Variants in ADGRG4 observed in about 807,000 individuals in gnomAD.
ADGRG4 encodes G protein-coupled receptor 112.
Under a neutral mutation model 126.2 loss-of-function variants are expected in ADGRG4, and 122 were observed. That is an observed-to-expected ratio of 0.97 (90% CI 0.83 to 1.12). The LOEUF (loss-of-function observed/expected upper bound fraction) is 1.12. ADGRG4 is among the 50% of genes most tolerant of loss of function. ADGRG4 has a pLI of 0.00. For missense variants in ADGRG4, 2,481 were observed against 2,251.8 expected, an observed-to-expected ratio of 1.10 and a Z score of -2.06; for synonymous variants, 943 against 838.7, an observed-to-expected ratio of 1.12 and a Z score of -2.15.
intron 5 of ADGRG4, among the ~76,000 whole-genome samples, chrX:136,324,023 T>C (rs958419578): frequency 5.4e-5 from 6 of 112,009 alleles, no homozygotes; most frequent in African/African-American, 1.9e-4. Context: ...AGATTCAGGC[T>C]ATGAATTTTT....
chrX:136,327,214 T>A (rs886676108), intron 5 of ADGRG4, among the ~76,000 whole-genome samples: 16 of 111,031 alleles, frequency 1.4e-4, no homozygotes, highest in African/African-American at 4.2e-4. Context: ...AGGTGTCTGT[T>A]AAAAAATTTT....
intron 15 of ADGRG4, among the ~76,000 whole-genome samples, chrX:136,382,701 T>C (rs1332734709): frequency 3.6e-5 from 4 of 111,597 alleles, no homozygotes; most frequent in African/African-American, 1.3e-4. Context: ...ATACCTTACC[T>C]CCGTTGTAGA....
intron 4 of ADGRG4, 89 bp from the exon 5 acceptor site, chrX:136,322,689 C>T (rs2074846054): frequency 8.6e-6 from 7 of 813,491 alleles, no homozygotes; most frequent in Non-Finnish European, 1.2e-5. Flanking sequence ...TTGTATAACC[C>T]AGATTTGACT....
In ADGRG4 at chrX:136,348,860, A is replaced by T; in HGVS notation, c.5154A>T (p.Leu1718Phe). 2 of 1,209,213 alleles carry T rather than the reference A, an allele frequency of 1.7e-6. No individual in the cohort carries two copies. The highest frequency in any genetic ancestry group is 2.2e-6 in the Non-Finnish European group (2 of 894,214). Residue 1718 changes from leucine to phenylalanine, a missense_variant, in exon 6 of 26, where the codon TTA (leucine) becomes TTT (phenylalanine). Leu to Phe is a conservative substitution (Grantham distance 22). Transcript: ENST00000394143. ...ATGAGGCTACAACTTTGGGCATATTATCTGGGATTACTAACAGGTCCCTAT... is the reference window on the plus strand; with the variant it reads ...ATGAGGCTACAACTTTGGGCATATTTTCTGGGATTACTAACAGGTCCCTAT... ...QADEATTLGI[L>F]SGITNRSLST...
At chrX:136,371,650 A>G in intron 14 of ADGRG4, 106 bp downstream of exon 14, 1 of 454,587 alleles carries the variant, frequency 2.2e-6, no homozygotes, top group Non-Finnish European at 3.6e-6. Flanking sequence ...ACAACCATAG[A>G]TTGAAAATAT....
intron 15 of ADGRG4, among the ~76,000 whole-genome samples, chrX:136,384,934 G>C (rs1247610399): frequency 9.1e-6 from 1 of 110,209 alleles, no homozygotes. Flanking sequence ...GGTTTGCTGA[G>C]CTTCTTGAAT....
intron 16 of ADGRG4, 120 bp downstream of exon 16, chrX:136,387,994 G>A: frequency 3.1e-6 from 2 of 652,389 alleles, no homozygotes; most frequent in Non-Finnish European, 4.6e-6. Flanking sequence ...GATTCCACAA[G>A]TCTTCCAACA....
intron 15 of ADGRG4, among the ~76,000 whole-genome samples, chrX:136,377,845 T>C (rs1053753717): frequency 9.1e-6 from 1 of 109,692 alleles, no homozygotes; most frequent in African/African-American, 3.3e-5. Context: ...CTATACTGTT[T>C]TTTTTTTTTT....
At chrX:136,373,431 G>A (rs905620893) in intron 15 of ADGRG4, among the ~76,000 whole-genome samples, 1 of 111,836 alleles carries the variant, frequency 8.9e-6, no homozygotes, top group African/African-American at 3.2e-5. Context: ...TAATGACTAA[G>A]CCAGGATTGA....
intron 13 of ADGRG4, among the ~76,000 whole-genome samples, chrX:136,368,972 C>A (rs1168217585): frequency 2.7e-5 from 3 of 112,351 alleles, no homozygotes; most frequent in African/African-American, 9.7e-5. Flanking sequence ...GCCCACACCA[C>A]TGGGGGAGTC....
In ADGRG4 at chrX:136,405,833, G is replaced by A; in HGVS notation, c.8796G>A (p.Arg2932=). 3.3e-6 allele frequency: 4 copies of A among 1,210,793 alleles called. No homozygotes were observed. Among genetic ancestry groups the A allele is most frequent in the Non-Finnish European group, 4.5e-6 (4 of 894,973 alleles). ...AATCCCAAATCCAGAAGACTCGGCG[G>A]AAGATGATCCTGCATGACCTCAAAG... ...SVKSQIQKTR[R]KMILHDLKGT... is the part of the protein sequence containing the mutation. The change falls in exon 23 of 26, where the codon CGG becomes CGA. Residue 2932 remains arginine (R), a synonymous_variant. Coordinates refer to ENST00000394143, the MANE Select transcript of ADGRG4 (RefSeq NM_153834.4).
rs187874394 is a variant in ADGRG4, at chrX:136,350,586, A to G, written c.6727+153A>G. Among the ~76,000 whole-genome samples the G allele has an allele frequency of 4.8e-3, 533 of 112,147 alleles. 2 individuals are homozygous for G. The highest frequency in any genetic ancestry group is 9.2e-3 in the Middle Eastern group (2 of 217). Reference sequence around the variant, plus strand: ...CCTTCAGACAGTGGGTACAGTGAGTACCTTGTCCAAATACAAAATTCTCTA... The same window carrying G: ...CCTTCAGACAGTGGGTACAGTGAGTGCCTTGTCCAAATACAAAATTCTCTA... On this transcript the variant is annotated intron_variant, in intron 6 of 25. Transcript: ENST00000394143.
chrX:136,324,448 CCAAGGCTAGAGTGAA>C (rs1447039546), intron 5 of ADGRG4, among the ~76,000 whole-genome samples: 1 of 110,626 alleles, frequency 9.0e-6, no homozygotes, highest in Admixed American at 9.6e-5. Flanking sequence ...CTCACTCTAG[CCAAGGCTAGAGTGAA>C]GTGGCATGAT....
At position 136,349,354 on chromosome X, in the gene ADGRG4, G is replaced by C. The variant is rs1472207887; in HGVS notation, c.5648G>C (p.Trp1883Ser). The C allele has an allele frequency of 1.7e-6, 2 of 1,207,753 alleles. No homozygotes were observed. Among genetic ancestry groups the C allele is most frequent in the Admixed American group, 4.4e-5 (2 of 45,914 alleles). Residue 1883 changes from tryptophan (W) to serine (S), a missense_variant, in exon 6 of 26, where the codon TGG becomes TCG. Coordinates refer to ENST00000394143, the MANE Select transcript of ADGRG4 (RefSeq NM_153834.4). ...SNTQPLLMTS[W>S]NIPTAEGSQF... ...ACCCAACCTCTGCTTATGACTTCCT[G>C]GAACATACCCACAGCTGAAGGTTCT...
chrX:136,380,480 T>G (rs1476617998), intron 15 of ADGRG4, among the ~76,000 whole-genome samples: 1 of 110,893 alleles, frequency 9.0e-6, no homozygotes, highest in East Asian at 2.8e-4. Flanking sequence ...TTCTTGTACT[T>G]ATTTTGGTTT....
Position 136,308,836 on chromosome X carries a change from T to C in ADGRG4, c.59T>C (p.Ile20Thr), listed in dbSNP as rs767149317. 9.0e-7 allele frequency: 1 copy of C among 1,107,384 alleles called. No homozygotes were observed. The highest frequency in any genetic ancestry group is 1.8e-5 in the South Asian group (1 of 54,550). 91.3% of individuals were successfully genotyped at this position (1,107,384 alleles called of 1,213,427 possible). ...LYGLILMSSF[I>T]FLSDTLSLKG... is the part of the protein sequence containing the mutation. ...GGATTGATTCTCATGTCGAGTTTTATCTTTCTCTCAGGTAAGAAAATGTAT... is the reference window on the plus strand; with the variant it reads ...GGATTGATTCTCATGTCGAGTTTTACCTTTCTCTCAGGTAAGAAAATGTAT... Residue 20 changes from isoleucine to threonine, a missense_variant, in exon 4 of 26, where the codon ATC (isoleucine) becomes ACC (threonine). Transcript: ENST00000394143.
intron 15 of ADGRG4, among the ~76,000 whole-genome samples, chrX:136,374,081 T>C (rs1429276425): frequency 8.9e-6 from 1 of 112,333 alleles, no homozygotes; most frequent in African/African-American, 3.2e-5. Flanking sequence ...TTTTCTGCGA[T>C]AGTTTTTCCT....
At chrX:136,371,212 A>G (rs774029497) in intron 13 of ADGRG4, 116 bp from the exon 14 acceptor site, 2 of 429,017 alleles carry the variant, frequency 4.7e-6, no homozygotes, top group African/African-American at 2.5e-5. Flanking sequence ...CTGTAAACAC[A>G]TTACCTTGGT....
chrX:136,380,899 G>T lies in ADGRG4; in HGVS notation c.7777-6841G>T, dbSNP rs768742895. Reference sequence around the variant, plus strand: ...GCTAATTTTTAGATTTTTTATTTTTGTAAAGACAGGGTCTTTCTTTGTTGC... The same window carrying T: ...GCTAATTTTTAGATTTTTTATTTTTTTAAAGACAGGGTCTTTCTTTGTTGC... On this transcript the variant is annotated intron_variant, in intron 15 of 25. Coordinates refer to ENST00000394143, the MANE Select transcript of ADGRG4 (RefSeq NM_153834.4). Among the ~76,000 whole-genome samples, 4 of 107,622 alleles carry T rather than the reference G, an allele frequency of 3.7e-5. No individual in the cohort carries two copies. In the South Asian group the frequency reaches 1.7e-3, roughly 45 times the overall value. The allele number at this position is 107,622 out of a possible 115,157, so 93.5% of individuals were successfully genotyped here. A position where few individuals can be genotyped will look rare whatever the true frequency, so the allele number is the denominator to read the frequency against.
Sources: allele counts gnomAD v4.1 joint callset (sites outside exome capture counted in the v4.1 genomes callset), GRCh38; gene constraint gnomAD v4.1.1; transcripts MANE v1.5; gene names NCBI Gene and HGNC (gene_info 2026-07-23, HGNC 2026-07-21).